Variants in KCNJ6 observed in about 807,000 individuals in gnomAD.
The protein encoded by KCNJ6 is potassium inwardly rectifying channel subfamily J member 6.
A neutral mutation model predicts 34.2 loss-of-function variants in KCNJ6; 9 were observed. The observed-to-expected ratio is 0.26, with a 90% confidence interval of 0.16 to 0.46. The LOEUF is 0.46. Ranked by LOEUF, KCNJ6 falls within the 20% of genes least tolerant of loss-of-function variation. The probability of loss-of-function intolerance (pLI) is 1.00; values close to 1 mark genes in which losing one functional copy is unlikely to be tolerated. For synonymous variants in KCNJ6, 196 were observed against 207.1 expected, an observed-to-expected ratio of 0.95 and a Z score of 0.46; for missense variants, 236 against 531.3, an observed-to-expected ratio of 0.44 and a Z score of 5.46.
chr21:37,686,476 TTTTTTTTTG>T (rs2054615829), intron 3 of KCNJ6, among the ~76,000 whole-genome samples: 1 of 109,386 alleles, frequency 9.1e-6, no homozygotes, highest in Non-Finnish European at 2.0e-5. Flanking sequence ...TTTTTTTTTT[TTTTTTTTTG>T]GAGATGGAGT....
rs1772933200 is a variant in KCNJ6 at position 37,608,394 on chromosome 21, G to A, written c.*16765C>T. On this transcript the variant is annotated 3_prime_UTR_variant, in exon 4 of 4. Transcript: ENST00000609713. ...GCTAATCTTGAATTCCTGGGCTCAAGCAATCCTCCCACCTTGGCCTCTCAA... is the reference window on the plus strand; with the variant it reads ...GCTAATCTTGAATTCCTGGGCTCAAACAATCCTCCCACCTTGGCCTCTCAA... 1 of 152,208 alleles carries A rather than the reference G, an allele frequency of 6.6e-6. No individual in the cohort carries two copies. The allele number at this position is 152,208 out of a possible 1,614,324, so 9.4% of individuals were successfully genotyped here. A position where few individuals can be genotyped will look rare whatever the true frequency, so the allele number is the denominator to read the frequency against.
In KCNJ6 at chr21:37,675,165, T is replaced by A. The variant is rs1428570758; in HGVS notation, c.946+39046A>T. On this transcript the variant is annotated intron_variant, in intron 3 of 3. Coordinates refer to ENST00000609713, the MANE Select transcript of KCNJ6 (RefSeq NM_002240.5). This position sits in a 1 kb window ranked among gnomAD's most constrained non-coding sequence, Gnocchi z 4.2. Reference sequence around the variant, plus strand: ...AGCTTTCTTTTATTTAATGTGATATTCCCAGCGTCTGGCAATGTAGCAGGG... The same window carrying A: ...AGCTTTCTTTTATTTAATGTGATATACCCAGCGTCTGGCAATGTAGCAGGG... 6.6e-6 allele frequency among the ~76,000 whole-genome samples: 1 copy of A among 152,148 alleles called. No individual in the cohort carries two copies. Among genetic ancestry groups the A allele is most frequent in the African/African-American group, 2.4e-5 (1 of 41,416 alleles).
intron 2 of KCNJ6, among the ~76,000 whole-genome samples, chr21:37,812,840 T>C (rs550803268): frequency 5.4e-4 from 82 of 152,206 alleles, no homozygotes; most frequent in Non-Finnish European, 1.1e-3. Context: ...AAGCCTTTCC[T>C]CTAAGATCCG....
intron 1 of KCNJ6, among the ~76,000 whole-genome samples, chr21:37,873,959 C>T (rs8133195): frequency 0.49 from 73,896 of 151,970 alleles, 18,403 homozygotes; most frequent in East Asian, 0.61. Flanking sequence ...AAGAAAACTG[C>T]GTCTTATCTC....
chr21:37,802,664 C>T (rs572644082), intron 2 of KCNJ6, among the ~76,000 whole-genome samples: 1 of 152,270 alleles, frequency 6.6e-6, no homozygotes, highest in South Asian at 2.1e-4. Context: ...CACAAAAACT[C>T]AAAGGGAATA....
At chr21:37,735,339 A>T (rs1459128037) in intron 2 of KCNJ6, among the ~76,000 whole-genome samples, 1 of 152,130 alleles carries the variant, frequency 6.6e-6, no homozygotes, top group Non-Finnish European at 1.5e-5. Context: ...CCTACAGACC[A>T]CCCACGGCGC....
At chr21:37,666,877 G>T (rs574435889) in intron 3 of KCNJ6, among the ~76,000 whole-genome samples, 1 of 151,586 alleles carries the variant, frequency 6.6e-6, no homozygotes, top group African/African-American at 2.4e-5. Flanking sequence ...TCTGAAACAT[G>T]TGCTGTGTCA....
At chr21:37,819,859 T>C (rs1439624304) in intron 2 of KCNJ6, among the ~76,000 whole-genome samples, 2 of 152,012 alleles carry the variant, frequency 1.3e-5, no homozygotes, top group African/African-American at 4.8e-5. Flanking sequence ...TTTTGGGTCA[T>C]TGCAACCTCT....
At chr21:37,631,885 G>A (rs2054335232) in intron 3 of KCNJ6, among the ~76,000 whole-genome samples, 1 of 152,166 alleles carries the variant, frequency 6.6e-6, no homozygotes. Context: ...TGACACAGGT[G>A]CCAAAAACTG....
chr21:37,756,115 G>GC (rs1459022106), intron 2 of KCNJ6, among the ~76,000 whole-genome samples: 6 of 152,316 alleles, frequency 3.9e-5, no homozygotes, highest in African/African-American at 7.2e-5. Context: ...CCACTTGGAG[G>GC]CTGGCACAAG....
intron 1 of KCNJ6, among the ~76,000 whole-genome samples, chr21:37,906,764 C>G (rs2055843736): frequency 6.6e-6 from 1 of 152,206 alleles, no homozygotes; most frequent in African/African-American, 2.4e-5. Context: ...AGAGGGCCAC[C>G]TAATGCGGCC....
chr21:37,846,592 A>C (rs1184789012), intron 1 of KCNJ6, among the ~76,000 whole-genome samples: 1 of 152,134 alleles, frequency 6.6e-6, no homozygotes, highest in African/African-American at 2.4e-5. Context: ...TAGGCTTTTA[A>C]GGATGAGGGG....
At chr21:37,900,766 G>C (rs566052866) in intron 1 of KCNJ6, among the ~76,000 whole-genome samples, 1 of 152,300 alleles carries the variant, frequency 6.6e-6, no homozygotes, top group African/African-American at 2.4e-5. Context: ...CATCATGTTA[G>C]AGAAACAGCA....
At chr21:37,818,460 C>A (rs564057661) in intron 2 of KCNJ6, among the ~76,000 whole-genome samples, 1 of 134,088 alleles carries the variant, frequency 7.5e-6, no homozygotes, top group Non-Finnish European at 1.6e-5. Flanking sequence ...TAGCGGCACC[C>A]GAATGATGAA....
intron 3 of KCNJ6, among the ~76,000 whole-genome samples, chr21:37,631,894 TGA>T (rs1360014527): frequency 6.6e-6 from 1 of 152,066 alleles, no homozygotes; most frequent in African/African-American, 2.4e-5. Flanking sequence ...TGCCAAAAAC[TGA>T]GAGAGAGCCT....
intron 2 of KCNJ6, among the ~76,000 whole-genome samples, chr21:37,800,178 T>G (rs926624536): frequency 1.3e-5 from 2 of 152,164 alleles, no homozygotes; most frequent in Non-Finnish European, 2.9e-5. Flanking sequence ...CCTATTTCCC[T>G]GGAATGGAGA....
At chr21:37,871,723 G>A in intron 1 of KCNJ6, among the ~76,000 whole-genome samples, 1 of 152,262 alleles carries the variant, frequency 6.6e-6, no homozygotes, top group South Asian at 2.1e-4. Flanking sequence ...GATAAACAGT[G>A]ATGGAGAGAG....
At chr21:37,877,646 T>C (rs946779534) in intron 1 of KCNJ6, among the ~76,000 whole-genome samples, 7 of 151,970 alleles carry the variant, frequency 4.6e-5, no homozygotes, top group African/African-American at 1.7e-4. Flanking sequence ...CTCTTCCTTA[T>C]GGAAGGCAGA....
intron 2 of KCNJ6, among the ~76,000 whole-genome samples, chr21:37,772,696 C>G (rs1445635372): frequency 6.6e-6 from 1 of 152,082 alleles, no homozygotes; most frequent in Admixed American, 6.6e-5. Flanking sequence ...CTCTTTCAAC[C>G]AAAAATTTGA....
Sources: gnomAD v4.1 joint callset for allele counts (sites outside exome capture counted in the v4.1 genomes callset) on GRCh38, gnomAD v4.1.1 for gene constraint, Gnocchi (gnomAD v3.1) non-coding constraint, MANE v1.5 for transcripts, NCBI Gene and HGNC (gene_info 2026-07-23, HGNC 2026-07-21) for gene names.